CEP350: variants seen among roughly 807,000 people sequenced by gnomAD.
CEP350 encodes the protein centrosomal protein 350, also known as centrosome-associated protein 350.
CEP350 carries 126 observed loss-of-function variants against 331.8 expected under a neutral mutation model. The observed-to-expected ratio is 0.38, with a 90% confidence interval of 0.33 to 0.44. The LOEUF (loss-of-function observed/expected upper bound fraction) is 0.44, where lower values mean the gene tolerates loss of function less well. Among genes scored for constraint, CEP350 ranks in the 20% least tolerant of loss-of-function variants. The pLI is 1.00. For missense variants in CEP350, 3,406 were observed against 3,634.6 expected (o/e 0.94, Z 1.62); for synonymous variants, 1,200 against 1,259.5 (o/e 0.95, Z 1.00).
At chr1:180,027,879 T>C (rs1044133719) in intron 14 of CEP350, among the ~76,000 whole-genome samples, 2 of 152,200 alleles carry the variant, frequency 1.3e-5, no homozygotes, top group East Asian at 1.9e-4. Context: ...TAATATGCCA[T>C]GTTTAAAATG....
At chr1:180,110,779 CAA>C (rs1661429252) in intron 37 of CEP350, among the ~76,000 whole-genome samples, 1 of 152,058 alleles carries the variant, frequency 6.6e-6, no homozygotes, top group Non-Finnish European at 1.5e-5. Context: ...TGAATATTGT[CAA>C]ATGTTATTTT....
At chr1:179,991,709 A>G (rs4652458) in intron 4 of CEP350, among the ~76,000 whole-genome samples, 17,872 of 49,924 alleles carry the variant, frequency 0.36, 1,133 homozygotes, top group African/African-American at 0.38. Context: ...GTGTGTGTGT[A>G]TATATATATA....
chr1:180,044,619 T>C (rs568371464), intron 21 of CEP350, among the ~76,000 whole-genome samples: 82 of 133,402 alleles, frequency 6.1e-4, no homozygotes, highest in African/African-American at 2.2e-3. Flanking sequence ...TAGGTGGGAA[T>C]TGAACAATGA....
intron 6 of CEP350, among the ~76,000 whole-genome samples, chr1:179,999,169 C>T (rs1653691490): frequency 6.6e-6 from 1 of 151,960 alleles, no homozygotes; most frequent in South Asian, 2.1e-4. Flanking sequence ...AGTCAAAGTT[C>T]TGAAATACCA....
At chr1:180,054,771 T>C (rs1198380070) in intron 25 of CEP350, among the ~76,000 whole-genome samples, 5 of 152,222 alleles carry the variant, frequency 3.3e-5, no homozygotes, top group Admixed American at 2.0e-4. Context: ...GAAAATACTC[T>C]TTTGAAATAC....
chr1:179,975,210 G>A (rs1651770377), intron 1 of CEP350, among the ~76,000 whole-genome samples: 1 of 151,968 alleles, frequency 6.6e-6, no homozygotes, highest in South Asian at 2.1e-4. Context: ...GTGTACTCTA[G>A]ATATACCTAT....
At position 180,055,611 on chromosome 1, in the gene CEP350, C is replaced by T. The variant is rs1189108188; in HGVS notation, c.5262+1109C>T. On this transcript the variant is annotated intron_variant, in intron 25 of 37. Transcript: ENST00000367607. Reference sequence around the variant, plus strand: ...TTTTACCCAGGCTGGACTGCAGTGGCGCTATCTCGGCTCACTGCAAGCTCC... The same window carrying T: ...TTTTACCCAGGCTGGACTGCAGTGGTGCTATCTCGGCTCACTGCAAGCTCC... Among the ~76,000 whole-genome samples the T allele has an allele frequency of 8.0e-5, 10 of 124,530 alleles. No individual in the cohort carries two copies. In the South Asian group the frequency reaches 2.3e-3, roughly 29 times the overall value. The allele number at this position is 124,530 out of a possible 152,430, so 81.7% of individuals were successfully genotyped here. A position where few individuals can be genotyped will look rare whatever the true frequency, so the allele number is the denominator to read the frequency against.
chr1:180,002,280 C>T (rs1436975971), intron 6 of CEP350, among the ~76,000 whole-genome samples: 1 of 152,152 alleles, frequency 6.6e-6, no homozygotes, highest in African/African-American at 2.4e-5. Flanking sequence ...TTGAGACCAA[C>T]CTGGCCAACA....
chr1:180,014,205 T>A lies in CEP350; in HGVS notation c.1752T>A (p.Val584=). The change falls in exon 10 of 38, where the codon GTT becomes GTA. Residue 584 remains valine, a synonymous_variant. Coordinates refer to ENST00000367607, the MANE Select transcript of CEP350 (RefSeq NM_014810.5). ...DKITANEDPP[V]ISKRRHYDTD... is the part of the protein sequence containing the mutation. ...TAACAGCTAATGAAGATCCCCCTGT[T>A]ATTTCCAAAAGGCGCCACTATGACA... 2 of 1,610,584 alleles carry A rather than the reference T, an allele frequency of 1.2e-6. No homozygotes were observed. Among genetic ancestry groups the A allele is most frequent in the Non-Finnish European group, 8.5e-7 (1 of 1,178,460 alleles).
rs182019902 is a variant in CEP350, at chr1:180,112,422, C to G, written c.*1261C>G. On this transcript the variant is annotated 3_prime_UTR_variant, in exon 38 of 38. Transcript: ENST00000367607. ...TTTAAAAACACTGTACAATTTAACT[C>G]TGCCTCTCTTGCAGCATTGCTTCTC... 3 of 152,750 alleles carry G rather than the reference C, an allele frequency of 2.0e-5. No individual in the cohort carries two copies. Among genetic ancestry groups the G allele is most frequent in the Admixed American group, 2.0e-4 (3 of 15,302 alleles). The allele number at this position is 152,750 out of a possible 1,614,324, so 9.5% of individuals were successfully genotyped here.
At chr1:180,006,353 A>G (rs565586733) in intron 7 of CEP350, 101 bp from the exon 8 acceptor site, 1 of 662,226 alleles carries the variant, frequency 1.5e-6, no homozygotes, top group Admixed American at 2.5e-5. Context: ...CTTTCTCCCT[A>G]CCTGCAGCAT....
At chr1:179,993,052 G>C (rs1653207029) in intron 5 of CEP350, among the ~76,000 whole-genome samples, 1 of 151,758 alleles carries the variant, frequency 6.6e-6, no homozygotes, top group Admixed American at 6.6e-5. Flanking sequence ...TGTTGCATTT[G>C]ATGCAATTTT....
Position 180,012,022 on chromosome 1 carries a change from A to T in CEP350, c.1340A>T (p.Glu447Val), listed in dbSNP as rs1386941505. 6.3e-7 allele frequency: 1 copy of T among 1,580,178 alleles called. No individual in the cohort carries two copies. The highest frequency in any genetic ancestry group is 8.6e-7 in the Non-Finnish European group (1 of 1,161,902). ...LGPAPRMEPK[E>V]QRTASSDRGG... is the part of the protein sequence containing the mutation. ...CCTGCTCCCAGAATGGAGCCAAAAGAGCAAAGAACAGCATCAAGTGACAGA... is the reference window on the plus strand; with the variant it reads ...CCTGCTCCCAGAATGGAGCCAAAAGTGCAAAGAACAGCATCAAGTGACAGA... The change falls in exon 9 of 38, where the codon GAG becomes GTG. Residue 447 changes from glutamate to valine, a missense_variant. Glu to Val is a moderately radical substitution (Grantham distance 121). Transcript: ENST00000367607.
chr1:180,038,936 G>A (rs553070197), intron 17 of CEP350, among the ~76,000 whole-genome samples: 24 of 151,946 alleles, frequency 1.6e-4, no homozygotes, highest in Non-Finnish European at 2.5e-4. Flanking sequence ...TCTTTGGGCC[G>A]ACTGTGGTGG....
At chr1:180,012,417 GACAA>G (rs1474481349) in intron 9 of CEP350, among the ~76,000 whole-genome samples, 2 of 152,170 alleles carry the variant, frequency 1.3e-5, no homozygotes, top group Non-Finnish European at 2.9e-5. Context: ...AGCAAACACG[GACAA>G]ACATTCACAA....
intron 32 of CEP350, among the ~76,000 whole-genome samples, chr1:180,090,164 T>TGAAG (rs1390489774): frequency 2.6e-5 from 4 of 152,220 alleles, no homozygotes; most frequent in African/African-American, 9.6e-5. Context: ...TGTAAAAGTT[T>TGAAG]GAAGGTAAAG....
chr1:180,031,735 C>G (rs928614212), intron 15 of CEP350, among the ~76,000 whole-genome samples: 2 of 152,020 alleles, frequency 1.3e-5, no homozygotes, highest in Non-Finnish European at 2.9e-5. Context: ...CAGGAATTCT[C>G]TCCCTCTAGC....
intron 3 of CEP350, among the ~76,000 whole-genome samples, chr1:179,987,567 T>A (rs1254247351): frequency 6.6e-6 from 1 of 150,458 alleles, no homozygotes; most frequent in African/African-American, 2.4e-5. Flanking sequence ...TGACAACTAT[T>A]AAATGGTAAA....
At chr1:179,980,276 A>AT (rs945313960) in intron 1 of CEP350, among the ~76,000 whole-genome samples, 120 of 144,222 alleles carry the variant, frequency 8.3e-4, no homozygotes, top group Admixed American at 2.6e-3. Context: ...TCCTAGGCAG[A>AT]TTTTTTTTTT....
Sources: allele counts gnomAD v4.1 joint callset (sites outside exome capture counted in the v4.1 genomes callset), GRCh38; gene constraint gnomAD v4.1.1; transcripts MANE v1.5; gene names NCBI Gene and HGNC (gene_info 2026-07-23, HGNC 2026-07-21).